The following JAGN1 variants were observed in gnomAD, a reference collection of about 807,000 sequenced individuals.
JAGN1 encodes the protein protein jagunal homolog 1.
Under a neutral mutation model 17.1 loss-of-function variants are expected in JAGN1, and 13 were observed. The ratio of observed to expected loss-of-function variants is 0.76; its 90% CI spans 0.49 to 1.21. JAGN1 has a LOEUF of 1.21. JAGN1 is among the 50% of genes most tolerant of loss of function. JAGN1 has a pLI of 0.00. For missense variants in JAGN1, 256 were observed against 234.2 expected (o/e 1.09, Z -0.61); for synonymous variants, 111 against 91.0 (o/e 1.22, Z -1.25).
At chr3:9,892,850 G>C (rs2082571856) in intron 1 of JAGN1, 65 bp from the exon 2 acceptor site, 1 of 1,045,224 alleles carries the variant, frequency 9.6e-7, no homozygotes, top group Non-Finnish European at 1.4e-6. Context: ...CAGTACAGTT[G>C]TCTGGCATAT....
intron 1 of JAGN1, among the ~76,000 whole-genome samples, chr3:9,892,223 A>G (rs913221015): frequency 3.9e-5 from 6 of 152,044 alleles, no homozygotes; most frequent in Non-Finnish European, 5.9e-5. Context: ...TCACCGTGTC[A>G]GCCAGGATGG....
rs866176976 is a variant in JAGN1, at chr3:9,893,105, C to G, written c.280C>G (p.Arg94Gly). The G allele has an allele frequency of 5.0e-6, 8 of 1,614,092 alleles. No individual in the cohort carries two copies. The highest frequency in any genetic ancestry group is 3.3e-5 in the Admixed American group (2 of 59,998). ...TCTCTTGGGCCTTCTCTCCTTTCCC[C>G]GCAACAACATTAGCTACCTGGTGCT... ...PSLLGLLSFP[R>G]NNISYLVLSM... Residue 94 changes from arginine to glycine, a missense_variant, in exon 2 of 2, where the codon CGC becomes GGC. Coordinates refer to ENST00000647897, the MANE Select transcript of JAGN1 (RefSeq NM_032492.4).
intron 1 of JAGN1, among the ~76,000 whole-genome samples, chr3:9,891,756 G>A (rs1362655177): frequency 1.3e-5 from 2 of 152,142 alleles, no homozygotes; most frequent in Non-Finnish European, 2.9e-5. Flanking sequence ...TTAAGCAGGT[G>A]TTTTCATGCC....
chr3:9,891,695 A>G (rs2125060635), intron 1 of JAGN1, among the ~76,000 whole-genome samples: 1 of 152,138 alleles, frequency 6.6e-6, no homozygotes, highest in Non-Finnish European at 1.5e-5. Flanking sequence ...AGCTCTTTGA[A>G]CTCTCATTTG....
intron 1 of JAGN1, among the ~76,000 whole-genome samples, chr3:9,892,340 TGTTG>T (rs2082568061): frequency 9.4e-6 from 1 of 106,816 alleles, no homozygotes; most frequent in South Asian, 2.6e-4. Flanking sequence ...GTAGTATTGT[TGTTG>T]TTTTTTTTTT....
At chr3:9,891,681 G>A (rs2082563733) in intron 1 of JAGN1, among the ~76,000 whole-genome samples, 1 of 152,084 alleles carries the variant, frequency 6.6e-6, no homozygotes, top group African/African-American at 2.4e-5. Context: ...TTTAAAGAAT[G>A]ACAAGCTCTT....
chr3:9,892,566 G>T (rs1246205361), intron 1 of JAGN1, among the ~76,000 whole-genome samples: 1 of 151,946 alleles, frequency 6.6e-6, no homozygotes, highest in Admixed American at 6.6e-5. Flanking sequence ...TGCTTTCCTG[G>T]AACACAAATA....
rs903467518 is a variant in JAGN1 at position 9,893,495 on chromosome 3, G to T, written c.*118G>T. On this transcript the variant is annotated 3_prime_UTR_variant, in exon 2 of 2. Coordinates refer to ENST00000647897, the MANE Select transcript of JAGN1 (RefSeq NM_032492.4). Reference sequence around the variant, plus strand: ...GATGTTGGTACCTGGTGCAGACCAGGCCAAAGTTCTGGAAAGCTCCTTTTG... The same window carrying T: ...GATGTTGGTACCTGGTGCAGACCAGTCCAAAGTTCTGGAAAGCTCCTTTTG... 1.2e-6 allele frequency: 1 copy of T among 824,416 alleles called. No homozygotes were observed. The highest frequency in any genetic ancestry group is 3.7e-4 in the Middle Eastern group (1 of 2,708). The allele number at this position is 824,416 out of a possible 1,614,324, so 51.1% of individuals were successfully genotyped here. A position where few individuals can be genotyped will look rare whatever the true frequency, so the allele number is the denominator to read the frequency against.
intron 1 of JAGN1, among the ~76,000 whole-genome samples, chr3:9,892,046 C>T (rs1198224449): frequency 1.3e-5 from 2 of 152,174 alleles, no homozygotes; most frequent in East Asian, 1.9e-4. Context: ...GACGGAGTCA[C>T]GGTCTGTCGC....
chr3:9,892,414 GTCC>G (rs1339209520), intron 1 of JAGN1, among the ~76,000 whole-genome samples: 3 of 150,388 alleles, frequency 2.0e-5, no homozygotes, highest in East Asian at 2.0e-4. Context: ...GGCTCAAGCA[GTCC>G]TCCTGCTTCA....
intron 1 of JAGN1, among the ~76,000 whole-genome samples, chr3:9,891,330 A>G (rs1172726113): frequency 3.9e-5 from 6 of 152,240 alleles, no homozygotes; most frequent in Non-Finnish European, 7.3e-5. Flanking sequence ...AATGAATTTT[A>G]TAAACACTCC....
At chr3:9,891,356 TC>T (rs1249527045) in intron 1 of JAGN1, among the ~76,000 whole-genome samples, 1 of 152,200 alleles carries the variant, frequency 6.6e-6, no homozygotes, top group Non-Finnish European at 1.5e-5. Context: ...AAGGGGTATT[TC>T]TACATTCAAT....
At chr3:9,892,839 C>A (rs2082571821) in intron 1 of JAGN1, 76 bp from the exon 2 acceptor site, 1 of 891,746 alleles carries the variant, frequency 1.1e-6, no homozygotes, top group African/African-American at 1.7e-5. Context: ...ATCCCAGTGT[C>A]CAGTACAGTT....
chr3:9,892,363 A>ATTTTTT (rs2082568544), intron 1 of JAGN1, among the ~76,000 whole-genome samples: 1 of 140,020 alleles, frequency 7.1e-6, no homozygotes. Flanking sequence ...TTTTATGGAG[A>ATTTTTT]TGGGGTCTCA....
In JAGN1 at chr3:9,890,631, T is replaced by A; in HGVS notation, c.-92T>A. 2 of 1,217,758 alleles carry A rather than the reference T, an allele frequency of 1.6e-6. No individual in the cohort carries two copies. The highest frequency in any genetic ancestry group is 2.3e-6 in the Non-Finnish European group (2 of 865,638). The allele number at this position is 1,217,758 out of a possible 1,614,324, so 75.4% of individuals were successfully genotyped here. ...AGTTCTCTTCACGGAGCCGCGCGGC[T>A]GCGGGGGCGCAAATAGGGTCAGTGG... On this transcript the variant is annotated 5_prime_UTR_variant, in exon 1 of 2. Coordinates refer to ENST00000647897, the MANE Select transcript of JAGN1 (RefSeq NM_032492.4).
rs1022133048 is a variant in JAGN1, at chr3:9,890,634, G to C, written c.-89G>C. The C allele has an allele frequency of 1.6e-6, 2 of 1,247,622 alleles. No individual in the cohort carries two copies. Among genetic ancestry groups the C allele is most frequent in the South Asian group, 1.4e-5 (1 of 72,056 alleles). 77.3% of individuals were successfully genotyped at this position (1,247,622 alleles called of 1,614,324 possible). A position where few individuals can be genotyped will look rare whatever the true frequency, so the allele number is the denominator to read the frequency against. ...TCTCTTCACGGAGCCGCGCGGCTGC[G>C]GGGGCGCAAATAGGGTCAGTGGGCC... On this transcript the variant is annotated 5_prime_UTR_variant, in exon 1 of 2. Transcript: ENST00000647897.
chr3:9,891,712 A>C (rs1389543293), intron 1 of JAGN1, among the ~76,000 whole-genome samples: 1 of 152,172 alleles, frequency 6.6e-6, no homozygotes, highest in African/African-American at 2.4e-5. Context: ...TTTGTTTCAC[A>C]TCTCTAGGCC....
rs936652986 is a variant in JAGN1 at position 9,890,645 on chromosome 3, T to G, written c.-78T>G. On this transcript the variant is annotated 5_prime_UTR_variant, in exon 1 of 2. Coordinates refer to ENST00000647897, the MANE Select transcript of JAGN1 (RefSeq NM_032492.4). ...AGCCGCGCGGCTGCGGGGGCGCAAA[T>G]AGGGTCAGTGGGCCGCTTGGCGGTG... 2.1e-5 allele frequency: 29 copies of G among 1,381,224 alleles called. No homozygotes were observed. Among genetic ancestry groups the G allele is most frequent in the Non-Finnish European group, 2.8e-5 (28 of 1,005,582 alleles). The allele number at this position is 1,381,224 out of a possible 1,614,324, so 85.6% of individuals were successfully genotyped here. A position where few individuals can be genotyped will look rare whatever the true frequency, so the allele number is the denominator to read the frequency against.
chr3:9,890,696 G>A lies in JAGN1; in HGVS notation c.-27G>A. 1 of 1,590,812 alleles carries A rather than the reference G, an allele frequency of 6.3e-7. No individual in the cohort carries two copies. The highest frequency in any genetic ancestry group is 1.1e-5 in the South Asian group (1 of 87,874). On this transcript the variant is annotated 5_prime_UTR_variant, in exon 1 of 2. Coordinates refer to ENST00000647897, the MANE Select transcript of JAGN1 (RefSeq NM_032492.4). The stretch of plus-strand genomic sequence containing the variant: ...TCGTTGCGGTACCAGGTCCGCGTGA[G>A]GGGTTCGGGGGTTCTGGGCAGGCAC...
Sources: gnomAD v4.1 joint callset for allele counts (sites outside exome capture counted in the v4.1 genomes callset) on GRCh38, gnomAD v4.1.1 for gene constraint, MANE v1.5 for transcripts, NCBI Gene and HGNC (gene_info 2026-07-23, HGNC 2026-07-21) for gene names.